SATB2: variants seen among roughly 807,000 people sequenced by gnomAD.
SATB2 encodes SATB homeobox 2.
SATB2 carries 1 observed loss-of-function variant against 73.4 expected under a neutral mutation model. The ratio of observed to expected loss-of-function variants is 0.01; its 90% CI spans 0.00 to 0.06. SATB2 has a LOEUF of 0.06. SATB2 is among the 10% of genes least tolerant of loss of function. The pLI, the probability that SATB2 is intolerant of heterozygous loss-of-function variation, is 1.00. For missense variants in SATB2, 459 were observed against 945.8 expected, an observed-to-expected ratio of 0.49 and a Z score of 6.75; for synonymous variants, 397 against 367.0, an observed-to-expected ratio of 1.08 and a Z score of -0.93.
intron 9 of SATB2, among the ~76,000 whole-genome samples, chr2:199,318,162 C>T (rs1687785980): frequency 6.6e-6 from 1 of 151,920 alleles, no homozygotes; most frequent in South Asian, 2.1e-4. Flanking sequence ...AGGCAGACCA[C>T]CAACTCACTT....
At chr2:199,345,963 C>T (rs553232330) in intron 7 of SATB2, among the ~76,000 whole-genome samples, 1 of 152,188 alleles carries the variant, frequency 6.6e-6, no homozygotes, top group South Asian at 2.1e-4. Flanking sequence ...ACTATACTTG[C>T]AGTTTTTATA....
At chr2:199,386,725 C>T (rs1689969702) in intron 3 of SATB2, among the ~76,000 whole-genome samples, 1 of 8,454 alleles carries the variant, frequency 1.2e-4, no homozygotes, top group African/African-American at 1.7e-4. Flanking sequence ...CGCACACACA[C>T]ACACACACAC....
chr2:199,410,778 G>C (rs1025527119), intron 3 of SATB2, among the ~76,000 whole-genome samples: 4 of 152,186 alleles, frequency 2.6e-5, no homozygotes, highest in African/African-American at 9.7e-5. Context: ...TATCATAAAA[G>C]CAAGTGTTAA....
chr2:199,416,659 C>T (rs1690995886), intron 3 of SATB2, among the ~76,000 whole-genome samples: 1 of 152,088 alleles, frequency 6.6e-6, no homozygotes, highest in Non-Finnish European at 1.5e-5. Context: ...ATAAATTAAA[C>T]TACTACTTTT....
At chr2:199,302,959 T>C (rs1687328881) in intron 10 of SATB2, among the ~76,000 whole-genome samples, 1 of 152,132 alleles carries the variant, frequency 6.6e-6, no homozygotes, top group Admixed American at 6.6e-5. Context: ...ACACCAATGA[T>C]TTGTGGGTTT....
chr2:199,424,924 T>C (rs983947437), intron 3 of SATB2, among the ~76,000 whole-genome samples: 1 of 152,202 alleles, frequency 6.6e-6, no homozygotes, highest in Admixed American at 6.6e-5. Context: ...ATTGAAAAAT[T>C]TAAGTGCTTT....
chr2:199,382,237 T>C (rs900598352), intron 3 of SATB2, among the ~76,000 whole-genome samples: 1 of 152,192 alleles, frequency 6.6e-6, no homozygotes, highest in Non-Finnish European at 1.5e-5. Context: ...AATTCCTGTG[T>C]GTGGGCTCAG....
chr2:199,279,007 G>T (rs1365726903), intron 10 of SATB2, among the ~76,000 whole-genome samples: 2 of 152,090 alleles, frequency 1.3e-5, no homozygotes, highest in African/African-American at 2.4e-5. Flanking sequence ...AACAATTAAG[G>T]TCTGATGAAT....
At chr2:199,297,311 C>G (rs1217716637) in intron 10 of SATB2, among the ~76,000 whole-genome samples, 1 of 152,118 alleles carries the variant, frequency 6.6e-6, no homozygotes, top group Non-Finnish European at 1.5e-5. Flanking sequence ...TAGAGCTCAT[C>G]CTATATTCCT....
chr2:199,321,316 T>C (rs1005444735), intron 9 of SATB2, among the ~76,000 whole-genome samples: 3 of 151,862 alleles, frequency 2.0e-5, no homozygotes, highest in Non-Finnish European at 4.4e-5. Flanking sequence ...TATACACGTC[T>C]ATGTATAGAC....
chr2:199,458,751 C>T (rs1232955941), upstream of SATB2: 3 of 419,788 alleles, frequency 7.1e-6, no homozygotes, highest in African/African-American at 4.4e-5. Context: ...GATCGCCTCC[C>T]CCACCCACCG....
chr2:199,350,924 G>C (rs892918045), intron 6 of SATB2, among the ~76,000 whole-genome samples: 2 of 149,240 alleles, frequency 1.3e-5, no homozygotes, highest in African/African-American at 4.9e-5. Flanking sequence ...TCGGGACGCT[G>C]AATCAGGAGA....
At chr2:199,294,905 G>C (rs1412661280) in intron 10 of SATB2, among the ~76,000 whole-genome samples, 2 of 151,976 alleles carry the variant, frequency 1.3e-5, no homozygotes, top group Non-Finnish European at 2.9e-5. Flanking sequence ...TAAAAAAATT[G>C]ACTCTTAATT....
intron 10 of SATB2, among the ~76,000 whole-genome samples, chr2:199,282,964 A>G (rs1389421936): frequency 6.6e-6 from 1 of 152,206 alleles, no homozygotes; most frequent in Non-Finnish European, 1.5e-5. Flanking sequence ...ACAGCCTGAC[A>G]TCCTCTTAGG....
In SATB2 at chr2:199,463,206, A is replaced by C. The variant is rs1692519129; in HGVS notation, c.-141+1630T>G. On this transcript the variant is annotated intron_variant, in intron 1 of 11. Coordinates refer to the SATB2 transcript ENST00000260926. This position sits in a 1 kb window ranked among gnomAD's most constrained non-coding sequence, Gnocchi z 6.4. ...TCTTTTGCAGAGCCCAGAACTTAAT[A>C]GGTGGGTCCCCTTCTGCAACCACGC... Among the ~76,000 whole-genome samples, 1 of 152,120 alleles carries C rather than the reference A, an allele frequency of 6.6e-6. No homozygotes were observed. The highest frequency in any genetic ancestry group is 1.5e-5 in the Non-Finnish European group (1 of 68,002).
chr2:199,395,851 A>G (rs1156511544), intron 3 of SATB2: 1 of 152,198 alleles, frequency 6.6e-6, no homozygotes, highest in Non-Finnish European at 1.5e-5. Flanking sequence ...AAAAATAAAT[A>G]TTTTATTCAT....
chr2:199,330,675 C>T (rs536621842), intron 7 of SATB2, among the ~76,000 whole-genome samples: 5 of 152,300 alleles, frequency 3.3e-5, no homozygotes, highest in African/African-American at 1.2e-4. Flanking sequence ...CTGCCTAAAG[C>T]TATCCTACTT....
intron 6 of SATB2, among the ~76,000 whole-genome samples, chr2:199,362,470 C>A (rs1689168243): frequency 6.6e-6 from 1 of 151,154 alleles, no homozygotes; most frequent in African/African-American, 2.4e-5. Flanking sequence ...ATTTATACAG[C>A]TGCTTCCCCT....
In SATB2 at chr2:199,457,326, C is replaced by T. The variant is rs1466208709; in HGVS notation, c.-60+13G>A. ...CCGAGCGCGGCGCGGGAGCCCTCGC[C>T]CTGCGTACTTACTGCTCACGGTCTG... On this transcript the variant is annotated intron_variant, in intron 1 of 10. Transcript: ENST00000417098. The surrounding 1 kb of genome is among the most constrained non-coding windows in gnomAD (Gnocchi z 4.8). 1 of 152,056 alleles carries T rather than the reference C, an allele frequency of 6.6e-6. No homozygotes were observed. Among genetic ancestry groups the T allele is most frequent in the Non-Finnish European group, 1.5e-5 (1 of 68,024 alleles). The allele number at this position is 152,056 out of a possible 1,614,324, so 9.4% of individuals were successfully genotyped here.
Sources: allele counts gnomAD v4.1 joint callset (sites outside exome capture counted in the v4.1 genomes callset), GRCh38; gene constraint gnomAD v4.1.1; non-coding constraint Gnocchi (gnomAD v3.1); transcripts MANE v1.5; gene names NCBI Gene and HGNC (gene_info 2026-07-23, HGNC 2026-07-21).